SMPD3: variants seen among roughly 807,000 people sequenced by gnomAD.
SMPD3 encodes the protein sphingomyelin phosphodiesterase 3.
Under a neutral mutation model 55.7 loss-of-function variants are expected in SMPD3, and 21 were observed. That is an observed-to-expected ratio of 0.38 (90% CI 0.27 to 0.54). SMPD3 has a LOEUF of 0.54. Among genes scored for constraint, SMPD3 ranks in the 20% least tolerant of loss-of-function variants. SMPD3 has a pLI of 0.80. For synonymous variants in SMPD3, 457 were observed against 404.3 expected, an observed-to-expected ratio of 1.13 and a Z score of -1.56; for missense variants, 842 against 899.6, an observed-to-expected ratio of 0.94 and a Z score of 0.82.
In SMPD3 at chr16:68,361,554, C is replaced by T. The variant is rs752091608; in HGVS notation, c.1866+49G>A. ...GCTGTCGAGAGCTGCAGGGCCCGGG[C>T]CCTGCTCTCTCTTTGCATGGCCCTG... On this transcript the variant is annotated intron_variant, in intron 8 of 8. Coordinates refer to ENST00000219334, the MANE Select transcript of SMPD3 (RefSeq NM_018667.4). 5 of 1,596,196 alleles carry T rather than the reference C, an allele frequency of 3.1e-6. No homozygotes were observed. The African/African-American group carries it at 4.0e-5, about 13-fold the overall frequency.
At chr16:68,361,376 G>C (rs1477902269) in intron 8 of SMPD3, 69 bp from the exon 9 acceptor site, 2 of 1,513,850 alleles carry the variant, frequency 1.3e-6, no homozygotes, top group Admixed American at 1.9e-5. Context: ...GGAGCGGCCT[G>C]GGGATCCCCA....
intron 3 of SMPD3, among the ~76,000 whole-genome samples, chr16:68,366,868 C>T (rs1018457152): frequency 1.3e-5 from 2 of 152,058 alleles, no homozygotes; most frequent in African/African-American, 2.4e-5. Context: ...ATTAGCCGGG[C>T]GTGGTGGTAT....
intron 1 of SMPD3, among the ~76,000 whole-genome samples, chr16:68,419,269 C>T (rs1392508133): frequency 6.6e-6 from 1 of 152,204 alleles, no homozygotes; most frequent in African/African-American, 2.4e-5. Flanking sequence ...GTTGATGGCG[C>T]TTGAGCCAGG....
At chr16:68,418,642 T>C (rs1187508523) in intron 1 of SMPD3, among the ~76,000 whole-genome samples, 1 of 152,208 alleles carries the variant, frequency 6.6e-6, no homozygotes. Flanking sequence ...CATTTTATAG[T>C]CTACACTAGC....
intron 1 of SMPD3, among the ~76,000 whole-genome samples, chr16:68,403,010 T>A (rs769973112): frequency 6.6e-6 from 1 of 152,236 alleles, no homozygotes; most frequent in Non-Finnish European, 1.5e-5. Context: ...GTACACTGTG[T>A]CAGGGTGCAG....
chr16:68,376,566 C>T (rs963321212), intron 2 of SMPD3, among the ~76,000 whole-genome samples: 4 of 152,214 alleles, frequency 2.6e-5, no homozygotes, highest in Admixed American at 6.5e-5. Context: ...CCACAGTTAT[C>T]CATGGATTTG....
rs1305197434 is a variant in SMPD3, at chr16:68,405,563, A to AG, written c.-268-18905_-268-18904insC. ...CCTGTCTCAAAAAAAAAAAAAAAAA[A>AG]AAAAGAAAAGAAAAGAAAATACAAA... On this transcript the variant is annotated intron_variant, in intron 1 of 8. Transcript: ENST00000219334. Among the ~76,000 whole-genome samples, 426 of 150,574 alleles carry AG rather than the reference A, an allele frequency of 2.8e-3. 4 individuals carry two copies. Among genetic ancestry groups the AG allele is most frequent in the African/African-American group, 0.01 (407 of 40,508 alleles).
At chr16:68,361,878 G>T (rs1029307084) in intron 7 of SMPD3, 119 bp from the exon 8 acceptor site, 1 of 1,392,326 alleles carries the variant, frequency 7.2e-7, no homozygotes, top group Admixed American at 2.3e-5. Context: ...GGACCAAAGC[G>T]CTGGGTTTAA....
intron 2 of SMPD3, among the ~76,000 whole-genome samples, chr16:68,381,541 G>A (rs1438974826): frequency 1.3e-5 from 2 of 152,196 alleles, no homozygotes; most frequent in Non-Finnish European, 2.9e-5. Flanking sequence ...GTGGGATCAC[G>A]TGATGAGTTC....
intron 2 of SMPD3, among the ~76,000 whole-genome samples, chr16:68,376,635 C>T (rs2089822289): frequency 6.6e-6 from 1 of 152,232 alleles, no homozygotes; most frequent in Admixed American, 6.5e-5. Flanking sequence ...CATCCCCCAA[C>T]ACCATGCTCT....
rs568010084 is a variant in SMPD3, at chr16:68,435,052, C to A, written c.-269+13301G>T. ...GTGTTTGGCAATGGTGGGTGGGAGG[C>A]GTGGCAGAAAGTGTCATCACTACTA... is the stretch of plus-strand genomic sequence containing the variant. On this transcript the variant is annotated intron_variant, in intron 1 of 8. Coordinates refer to ENST00000219334, the MANE Select transcript of SMPD3 (RefSeq NM_018667.4). Among the ~76,000 whole-genome samples the A allele has an allele frequency of 1.2e-4, 18 of 152,180 alleles. No individual in the cohort carries two copies. The East Asian group carries it at 3.5e-3, about 29-fold the overall frequency.
intron 1 of SMPD3, among the ~76,000 whole-genome samples, chr16:68,392,606 A>C (rs998869314): frequency 7.2e-5 from 11 of 152,176 alleles, no homozygotes; most frequent in African/African-American, 2.7e-4. Context: ...TCACGCCTGT[A>C]ATCCTAGCAC....
chr16:68,406,197 G>T (rs1167481085), intron 1 of SMPD3, among the ~76,000 whole-genome samples: 1 of 152,188 alleles, frequency 6.6e-6, no homozygotes, highest in African/African-American at 2.4e-5. Flanking sequence ...GGGCTATCAT[G>T]ATATCACTAT....
chr16:68,362,973 CCT>C (rs1350841501), intron 7 of SMPD3, among the ~76,000 whole-genome samples: 1 of 152,234 alleles, frequency 6.6e-6, no homozygotes. Flanking sequence ...CTGCTGTTGG[CCT>C]CTCAGATGTG....
chr16:68,371,348 C>G lies in SMPD3; in HGVS notation c.834G>C (p.Gln278His), dbSNP rs754876623. Residue 278 changes from glutamine to histidine, a missense_variant, in exon 3 of 9, where the codon CAG (glutamine) becomes CAC (histidine). This residue lies in a region of SMPD3 where 649 missense variants were observed against 643.6 expected (regional missense o/e 1.01). Coordinates refer to ENST00000219334, the MANE Select transcript of SMPD3 (RefSeq NM_018667.4). Reference sequence around the variant, plus strand: ...CGTCCTGCTGATTATGGTTGGGCGTCTGGCCCCTTGGGCCCCCGCCAGCTC... The same window carrying G: ...CGTCCTGCTGATTATGGTTGGGCGTGTGGCCCCTTGGGCCCCCGCCAGCTC... Reference protein sequence around the residue: ...RNGAGGGPRGQTPNHNQQDGD... With the variant: ...RNGAGGGPRGHTPNHNQQDGD... 4 of 1,583,114 alleles carry G rather than the reference C, an allele frequency of 2.5e-6. No homozygotes were observed. The highest frequency in any genetic ancestry group is 3.4e-6 in the Non-Finnish European group (4 of 1,172,572).
At chr16:68,367,709 A>G (rs553423761) in intron 3 of SMPD3, 1 of 152,260 alleles carries the variant, frequency 6.6e-6, no homozygotes, top group African/African-American at 2.4e-5. Context: ...GTGTGATCTC[A>G]CCAAGATCCA....
In SMPD3 at chr16:68,361,281, G is replaced by T; in HGVS notation, c.1893C>A (p.Thr631=). The T allele has an allele frequency of 6.2e-7, 1 of 1,612,250 alleles. No homozygotes were observed. Among genetic ancestry groups the T allele is most frequent in the South Asian group, 1.1e-5 (1 of 90,578 alleles). The change falls in exon 9 of 9, where the codon ACC becomes ACA. Residue 631 remains threonine, a synonymous_variant. Transcript: ENST00000219334. ...GGTGGTCCGTCAGGCCGGACAGCTG[G>T]GTGATAAAACTGAATTCTTCCACCT... ...KAEVEEFSFI[T]QLSGLTDHLP... is the part of the protein sequence containing the mutation.
At chr16:68,429,020 C>T (rs139583011) in intron 1 of SMPD3, among the ~76,000 whole-genome samples, 36 of 152,318 alleles carry the variant, frequency 2.4e-4, no homozygotes, top group Middle Eastern at 6.8e-3. Context: ...TGGGAGATGA[C>T]CCCTCTCTGC....
intron 1 of SMPD3, among the ~76,000 whole-genome samples, chr16:68,388,763 G>A (rs1421636980): frequency 6.6e-6 from 1 of 151,852 alleles, no homozygotes; most frequent in Non-Finnish European, 1.5e-5. Flanking sequence ...ATGGAATCTC[G>A]ACAACCTTGA....
Sources: allele counts gnomAD v4.1 joint callset (sites outside exome capture counted in the v4.1 genomes callset), GRCh38; gene constraint gnomAD v4.1.1; regional missense constraint gnomAD v4.1.1; transcripts MANE v1.5; gene names NCBI Gene and HGNC (gene_info 2026-07-23, HGNC 2026-07-21).